The following RPS6KA6 variants were observed in gnomAD, a reference collection of about 807,000 sequenced individuals.
The protein encoded by RPS6KA6 is ribosomal protein S6 kinase A6.
A neutral mutation model predicts 65.4 loss-of-function variants in RPS6KA6; 27 were observed. That is an observed-to-expected ratio of 0.41 (90% CI 0.30 to 0.57). The LOEUF (loss-of-function observed/expected upper bound fraction) is 0.57, where lower values mean the gene tolerates loss of function less well. Ranked by LOEUF, RPS6KA6 falls within the 20% of genes least tolerant of loss-of-function variation. The pLI is 0.24. For synonymous variants in RPS6KA6, 190 were observed against 184.2 expected (o/e 1.03, Z -0.26); for missense variants, 486 against 555.6 (o/e 0.87, Z 1.26).
intron 3 of RPS6KA6, among the ~76,000 whole-genome samples, chrX:84,151,481 A>G (rs1191114701): frequency 9.0e-6 from 1 of 110,615 alleles, no homozygotes; most frequent in Non-Finnish European, 1.9e-5. Flanking sequence ...TTGTTTTTCT[A>G]TGAACAGGCT....
At chrX:84,141,543 G>T (rs2035104042) in intron 6 of RPS6KA6, among the ~76,000 whole-genome samples, 1 of 110,996 alleles carries the variant, frequency 9.0e-6, no homozygotes, top group African/African-American at 3.3e-5. Flanking sequence ...CATATTAAAT[G>T]TAACAGGTCT....
At chrX:84,163,441 C>T (rs1461557672) in intron 2 of RPS6KA6, among the ~76,000 whole-genome samples, 2 of 107,112 alleles carry the variant, frequency 1.9e-5, no homozygotes, top group Non-Finnish European at 3.9e-5. Flanking sequence ...AGATCGAGAC[C>T]ATCCTGGCTA....
At position 84,138,631 on chromosome X, in the gene RPS6KA6, T is replaced by C. The variant is rs185457049; in HGVS notation, c.502-3421A>G. Among the ~76,000 whole-genome samples the C allele has an allele frequency of 2.8e-3, 316 of 112,628 alleles. 2 individuals are homozygous for C. The highest frequency in any genetic ancestry group is 0.023 in the Admixed American group (250 of 10,641). On this transcript the variant is annotated intron_variant, in intron 6 of 21. Coordinates refer to ENST00000262752, the MANE Select transcript of RPS6KA6 (RefSeq NM_014496.5). ...AAACTATAAAATAATTCTGTCAACATCAAACAAACAAAAATCCCTATTGTG... is the reference window on the plus strand; with the variant it reads ...AAACTATAAAATAATTCTGTCAACACCAAACAAACAAAAATCCCTATTGTG...
chrX:84,075,844 G>A (rs989496618), intron 20 of RPS6KA6, among the ~76,000 whole-genome samples: 1 of 111,843 alleles, frequency 8.9e-6, no homozygotes, highest in African/African-American at 3.2e-5. Context: ...TCATAACAGA[G>A]GGGATAAGTA....
At chrX:84,106,835 A>C (rs1027531647) in intron 14 of RPS6KA6, 75 bp downstream of exon 14, 4 of 852,927 alleles carry the variant, frequency 4.7e-6, no homozygotes, top group South Asian at 3.2e-5. Context: ...TTTAAAAAAA[A>C]CGATTAAAAA....
intron 8 of RPS6KA6, among the ~76,000 whole-genome samples, chrX:84,130,029 T>G (rs186250877): frequency 1.3e-4 from 14 of 111,815 alleles, no homozygotes; most frequent in African/African-American, 4.5e-4. Flanking sequence ...GGATAAATGC[T>G]TGAGGTGATG....
intron 19 of RPS6KA6, 37 bp from the exon 20 acceptor site, chrX:84,096,348 T>C: frequency 1.5e-6 from 1 of 653,519 alleles, no homozygotes; most frequent in Non-Finnish European, 2.2e-6. Context: ...CACTAGAGGG[T>C]AACATACCCA....
intron 6 of RPS6KA6, among the ~76,000 whole-genome samples, chrX:84,136,035 T>C: frequency 9.0e-6 from 1 of 111,477 alleles, no homozygotes; most frequent in East Asian, 2.8e-4. Flanking sequence ...TCAGTTTATG[T>C]GGAAAAAAAG....
At chrX:84,080,445 T>C (rs1361276383) in intron 20 of RPS6KA6, among the ~76,000 whole-genome samples, 8 of 26,393 alleles carry the variant, frequency 3.0e-4, no homozygotes, top group African/African-American at 8.6e-4. Flanking sequence ...CCTAGATATA[T>C]ATGCACTCAA....
intron 2 of RPS6KA6, among the ~76,000 whole-genome samples, chrX:84,160,632 T>G (rs1345343612): frequency 1.8e-5 from 2 of 111,372 alleles, no homozygotes; most frequent in Non-Finnish European, 3.8e-5. Context: ...TCAGCTTTAT[T>G]TGTAGGTACA....
intron 12 of RPS6KA6, 50 bp downstream of exon 12, chrX:84,116,179 T>C: frequency 4.4e-6 from 3 of 680,588 alleles, no homozygotes; most frequent in Non-Finnish European, 6.9e-6. Context: ...TTTAATATCC[T>C]GTGTTGGTCA....
At chrX:84,143,803 A>G (rs2078234235) in intron 6 of RPS6KA6, among the ~76,000 whole-genome samples, 1 of 111,534 alleles carries the variant, frequency 9.0e-6, no homozygotes, top group Non-Finnish European at 1.9e-5. Context: ...AGGTACAGTA[A>G]TTCAGACAGT....
intron 20 of RPS6KA6, among the ~76,000 whole-genome samples, chrX:84,069,678 T>A (rs2033488841): frequency 8.9e-6 from 1 of 111,985 alleles, no homozygotes; most frequent in Admixed American, 9.4e-5. Flanking sequence ...GACAAAGGTC[T>A]AATATCCACA....
intron 20 of RPS6KA6, among the ~76,000 whole-genome samples, chrX:84,086,474 A>G (rs1239761729): frequency 9.0e-6 from 1 of 111,431 alleles, no homozygotes; most frequent in African/African-American, 3.3e-5. Context: ...TTTTGAGTAA[A>G]TATCTTAATC....
At chrX:84,084,174 T>G (rs1485121584) in intron 20 of RPS6KA6, among the ~76,000 whole-genome samples, 4 of 112,603 alleles carry the variant, frequency 3.6e-5, no homozygotes, top group Non-Finnish European at 7.5e-5. Flanking sequence ...TTCACTCTGA[T>G]GATAGTTTCT....
chrX:84,187,749 G>T, intron 1 of RPS6KA6, 70 bp downstream of exon 1: 2 of 1,052,273 alleles, frequency 1.9e-6, no homozygotes, highest in Non-Finnish European at 2.6e-6. Context: ...TCCTCTCTCC[G>T]TCCCCAGCCA....
intron 3 of RPS6KA6, among the ~76,000 whole-genome samples, chrX:84,152,882 G>A (rs982440972): frequency 9.0e-6 from 1 of 111,627 alleles, no homozygotes; most frequent in African/African-American, 3.2e-5. Flanking sequence ...AAAAGTTGTT[G>A]CATGGCTTCA....
At chrX:84,081,636 G>C (rs1602383581) in intron 20 of RPS6KA6, among the ~76,000 whole-genome samples, 1 of 111,161 alleles carries the variant, frequency 9.0e-6, no homozygotes, top group East Asian at 2.9e-4. Flanking sequence ...ATCATCCTGA[G>C]AGCAAACCTT....
chrX:84,086,374 T>G (rs2033921914), intron 20 of RPS6KA6, among the ~76,000 whole-genome samples: 1 of 111,835 alleles, frequency 8.9e-6, no homozygotes, highest in African/African-American at 3.2e-5. Flanking sequence ...TTCATTAGTT[T>G]CAAAGAACTT....
Sources: allele counts gnomAD v4.1 joint callset (sites outside exome capture counted in the v4.1 genomes callset), GRCh38; gene constraint gnomAD v4.1.1; transcripts MANE v1.5; gene names NCBI Gene and HGNC (gene_info 2026-07-23, HGNC 2026-07-21).